TRIM14: variants seen among roughly 807,000 people sequenced by gnomAD.
The protein encoded by TRIM14 is tripartite motif containing 14.
TRIM14 carries 28 observed loss-of-function variants against 44.5 expected under a neutral mutation model. The ratio of observed to expected loss-of-function variants is 0.63; its 90% CI spans 0.47 to 0.86. The LOEUF is 0.86. Among genes scored for constraint, TRIM14 ranks in the 40% least tolerant of loss-of-function variants. TRIM14 has a pLI of 0.00. For synonymous variants in TRIM14, 299 were observed against 269.2 expected, an observed-to-expected ratio of 1.11 and a Z score of -1.08; for missense variants, 607 against 611.1, an observed-to-expected ratio of 0.99 and a Z score of 0.07.
rs1244939452 is a variant in TRIM14 at position 98,084,505 on chromosome 9, G to A, written c.*2965C>T. 6.6e-6 allele frequency: 1 copy of A among 152,216 alleles called. No homozygotes were observed. The highest frequency in any genetic ancestry group is 1.5e-5 in the Non-Finnish European group (1 of 68,038). 9.4% of individuals were successfully genotyped at this position (152,216 alleles called of 1,614,324 possible). A position where few individuals can be genotyped will look rare whatever the true frequency, so the allele number is the denominator to read the frequency against. ...AGGTAAGTGATCAGTAACCCTTACA[G>A]ACATGGAAACCAAGGAAGCCTCATT... On this transcript the variant is annotated 3_prime_UTR_variant, in exon 6 of 6. Transcript: ENST00000341469.
the TRIM14 span, among the ~76,000 whole-genome samples, chr9:98,053,527 A>G: frequency 1.3e-5 from 2 of 152,186 alleles, no homozygotes; most frequent in Admixed American, 6.6e-5. Context: ...ACAACACAGA[A>G]AAACAAATTC....
chr9:98,111,478 C>T (rs1826852291), intron 1 of TRIM14, among the ~76,000 whole-genome samples: 1 of 152,172 alleles, frequency 6.6e-6, no homozygotes. Context: ...CAAGTTCCAG[C>T]TGCTTGGGAG....
chr9:98,047,575 C>A, the TRIM14 span, among the ~76,000 whole-genome samples: 1 of 152,078 alleles, frequency 6.6e-6, no homozygotes. Flanking sequence ...ATCTAAGGCT[C>A]TGTTCTTTTC....
intron 3 of TRIM14, among the ~76,000 whole-genome samples, chr9:98,096,358 ACTAGCAGGAAGT>A (rs1201033628): frequency 6.6e-6 from 1 of 152,130 alleles, no homozygotes; most frequent in East Asian, 1.9e-4. Flanking sequence ...GAGACCAAGC[ACTAGCAGGAAGT>A]CCAGGGTGGG....
chr9:98,057,601 G>A, the TRIM14 span, among the ~76,000 whole-genome samples: 1 of 152,146 alleles, frequency 6.6e-6, no homozygotes, highest in African/African-American at 2.4e-5. Context: ...GATCAAATGA[G>A]ATTCTCAGAT....
chr9:98,118,972 T>C lies in TRIM14; in HGVS notation c.207+10A>G. 3 of 1,521,842 alleles carry C rather than the reference T, an allele frequency of 2.0e-6. No homozygotes were observed. Among genetic ancestry groups the C allele is most frequent in the South Asian group, 2.4e-5 (2 of 83,098 alleles). 94.3% of individuals were successfully genotyped at this position (1,521,842 alleles called of 1,614,324 possible). On this transcript the variant is annotated intron_variant, in intron 1 of 5. Coordinates refer to ENST00000341469, the MANE Select transcript of TRIM14 (RefSeq NM_014788.4). Reference sequence around the variant, plus strand: ...TCCCGCGCGGCGAACCCCGTCCCCATCGTCCCCACCTGCACGTGCACCGCT... The same window carrying C: ...TCCCGCGCGGCGAACCCCGTCCCCACCGTCCCCACCTGCACGTGCACCGCT...
chr9:98,064,458 G>A (rs1829076206), downstream of TRIM14, among the ~76,000 whole-genome samples: 1 of 152,120 alleles, frequency 6.6e-6, no homozygotes, highest in African/African-American at 2.4e-5. Flanking sequence ...GTTTCACCAT[G>A]TTGACCAGGC....
intron 6 of TRIM14, among the ~76,000 whole-genome samples, chr9:98,073,805 TG>T (rs2117884602): frequency 7.7e-6 from 1 of 130,664 alleles, no homozygotes; most frequent in South Asian, 2.9e-4. Context: ...AAGGGTTTTT[TG>T]GTTTATTTTT....
In TRIM14 at chr9:98,095,705, G is replaced by A. The variant is rs1047429538; in HGVS notation, c.538-676C>T. ...CTGTGCTGCAGGAGTGTGACCAGAC[G>A]CCTCCAAGCCAAAGCGTGGATTTGG... is the stretch of plus-strand genomic sequence containing the variant. On this transcript the variant is annotated intron_variant, in intron 3 of 5. Transcript: ENST00000341469. This position sits in a 1 kb window ranked among gnomAD's most constrained non-coding sequence, Gnocchi z 4.1. 1.3e-5 allele frequency among the ~76,000 whole-genome samples: 2 copies of A among 152,156 alleles called. No individual in the cohort carries two copies. The highest frequency in any genetic ancestry group is 2.9e-5 in the Non-Finnish European group (2 of 68,026).
chr9:98,078,076 T>G lies in TRIM14; in HGVS notation c.*29-8389A>C. The G allele has an allele frequency of 3.4e-6, 5 of 1,470,440 alleles. No individual in the cohort carries two copies. In the South Asian group the frequency reaches 6.4e-5, roughly 19 times the overall value. The allele number at this position is 1,470,440 out of a possible 1,614,324, so 91.1% of individuals were successfully genotyped here. On this transcript the variant is annotated intron_variant, in intron 6 of 6. Coordinates refer to the TRIM14 transcript ENST00000375098. ...TTCCCCCACAGGGGCTGGCACAGTG[T>G]TTTAAGAGATGTCTGTGGAGTTCAG...
chr9:98,087,267 C>G lies in TRIM14; in HGVS notation c.*203G>C, dbSNP rs746247215. ...CGGAGGTCTGATGAGAGGGCAGCAG[C>G]AGACTTGTTTAGGGCCTGTTTGAAA... is the stretch of plus-strand genomic sequence containing the variant. On this transcript the variant is annotated 3_prime_UTR_variant, in exon 6 of 6. Transcript: ENST00000341469. 5.9e-6 allele frequency: 5 copies of G among 850,354 alleles called. No individual in the cohort carries two copies. In the African/African-American group the frequency reaches 6.6e-5, roughly 11 times the overall value. The allele number at this position is 850,354 out of a possible 1,614,324, so 52.7% of individuals were successfully genotyped here. A position where few individuals can be genotyped will look rare whatever the true frequency, so the allele number is the denominator to read the frequency against.
intron 4 of TRIM14, chr9:98,092,553 T>G (rs1160847156): frequency 2.8e-6 from 1 of 359,152 alleles, no homozygotes. Context: ...CAGGGGCCTG[T>G]AGAGATCTGT....
At position 98,100,021 on chromosome 9, in the gene TRIM14, G is replaced by A. The variant is rs766636819; in HGVS notation, c.447C>T (p.Asp149=). 2 of 1,614,192 alleles carry A rather than the reference G, an allele frequency of 1.2e-6. No homozygotes were observed. The highest frequency in any genetic ancestry group is 2.2e-5 in the East Asian group (1 of 44,884). Residue 149 remains aspartate (D), a synonymous_variant, in exon 3 of 6, where the codon GAC becomes GAT. Coordinates refer to ENST00000341469, the MANE Select transcript of TRIM14 (RefSeq NM_014788.4). ...LTLQVYREQA[D]SCREQLDIMN... ...TGATGTCAAGTTGCTCTCTGCAAGA[G>A]TCAGCTTGTTCCCTGTACACCTGGA...
At chr9:98,051,746 A>G in the TRIM14 span, among the ~76,000 whole-genome samples, 1 of 152,184 alleles carries the variant, frequency 6.6e-6, no homozygotes, top group Non-Finnish European at 1.5e-5. Flanking sequence ...CCATTTTTAT[A>G]CTGGATCCTG....
chr9:98,095,015 G>C lies in TRIM14; in HGVS notation c.552C>G (p.Thr184=). Residue 184 remains threonine (T), a synonymous_variant, in exon 4 of 6, where the codon ACC becomes ACG. Coordinates refer to ENST00000341469, the MANE Select transcript of TRIM14 (RefSeq NM_014788.4). This position sits in a 1 kb window ranked among gnomAD's most constrained non-coding sequence, Gnocchi z 4.1. The part of the protein sequence containing the change: ...PVQRLQAYTA[T]EQEMQQQMSL... The stretch of plus-strand genomic sequence containing the variant: ...TCATCTGCTGCTGCATCTCCTGCTC[G>C]GTGGCCGTGTATGCCTGTGTGGGCA... 6.2e-7 allele frequency: 1 copy of C among 1,613,614 alleles called. No individual in the cohort carries two copies. Among genetic ancestry groups the C allele is most frequent in the Non-Finnish European group, 8.5e-7 (1 of 1,179,910 alleles).
chr9:98,090,560 CTT>C (rs56909266), intron 5 of TRIM14, among the ~76,000 whole-genome samples: 51,024 of 123,716 alleles, frequency 0.41, 10,154 homozygotes, highest in South Asian at 0.51. Flanking sequence ...GATTTGTGCA[CTT>C]TTTTTTTTTT....
chr9:98,063,599 C>T, the TRIM14 span, among the ~76,000 whole-genome samples: 2 of 151,316 alleles, frequency 1.3e-5, no homozygotes, highest in African/African-American at 2.4e-5. Context: ...TGGAGTGCAA[C>T]GATGCAATCA....
the TRIM14 span, among the ~76,000 whole-genome samples, chr9:98,043,962 G>A: frequency 6.6e-6 from 1 of 150,842 alleles, no homozygotes; most frequent in Non-Finnish European, 1.5e-5. Context: ...CCCAAAAGGG[G>A]TTACTCTTCT....
intron 3 of TRIM14, among the ~76,000 whole-genome samples, chr9:98,096,706 C>T (rs1044446852): frequency 6.6e-6 from 1 of 152,114 alleles, no homozygotes; most frequent in Non-Finnish European, 1.5e-5. Flanking sequence ...ATCTCTTGAC[C>T]TGCCTGTTTC....
Sources: gnomAD v4.1 joint callset for allele counts (sites outside exome capture counted in the v4.1 genomes callset) on GRCh38, gnomAD v4.1.1 for gene constraint, Gnocchi (gnomAD v3.1) non-coding constraint, MANE v1.5 for transcripts, NCBI Gene and HGNC (gene_info 2026-07-23, HGNC 2026-07-21) for gene names.